Variants in CCDC91 observed in about 807,000 individuals in gnomAD.
CCDC91 encodes the protein coiled-coil domain-containing protein 91.
Under a neutral mutation model 63.2 loss-of-function variants are expected in CCDC91, and 48 were observed. That is an observed-to-expected ratio of 0.76 (90% CI 0.60 to 0.97). The LOEUF (loss-of-function observed/expected upper bound fraction) is 0.97, where lower values mean the gene tolerates loss of function less well. CCDC91 is among the 50% of genes least tolerant of loss of function. The pLI, the probability that CCDC91 is intolerant of heterozygous loss-of-function variation, is 0.00. For missense variants in CCDC91, 500 were observed against 494.6 expected, an observed-to-expected ratio of 1.01 and a Z score of -0.10; for synonymous variants, 167 against 165.8, an observed-to-expected ratio of 1.01 and a Z score of -0.06.
At chr12:28,197,036 T>G (rs1941817613) in intron 1 of CCDC91, among the ~76,000 whole-genome samples, 1 of 152,182 alleles carries the variant, frequency 6.6e-6, no homozygotes, top group Non-Finnish European at 1.5e-5. Flanking sequence ...AAATTAACAT[T>G]AAATATTTGT....
chr12:28,499,431 T>C (rs1952499018), intron 12 of CCDC91, among the ~76,000 whole-genome samples: 2 of 151,946 alleles, frequency 1.3e-5, no homozygotes, highest in Admixed American at 6.6e-5. Flanking sequence ...TAGGTATACA[T>C]GTGCCATAGT....
intron 1 of CCDC91, among the ~76,000 whole-genome samples, chr12:28,196,700 G>A (rs1192595056): frequency 1.3e-5 from 2 of 152,104 alleles, no homozygotes; most frequent in Admixed American, 1.3e-4. Context: ...GAACATGATA[G>A]TTGATTACAG....
intron 1 of CCDC91, among the ~76,000 whole-genome samples, chr12:28,194,652 G>C (rs1189121753): frequency 6.6e-6 from 1 of 151,410 alleles, no homozygotes; most frequent in Admixed American, 6.6e-5. Flanking sequence ...ATTCCTCCTG[G>C]TGGGTTTGTG....
rs777412181 is a variant in CCDC91 at position 28,306,750 on chromosome 12, A to T, written c.276A>T (p.Gln92His). Residue 92 changes from glutamine to histidine, a missense_variant, in exon 5 of 13, where the codon CAA becomes CAT. Transcript: ENST00000536442. ...SQTIPKAQIQQSTHTHLDISL... is the reference protein window; with the variant it reads ...SQTIPKAQIQHSTHTHLDISL... ...TTTTTTATGTGGTTTAGATTCAGCA[A>T]TCAACACACACTCATCTGGATATCT... is the stretch of plus-strand genomic sequence containing the variant. The T allele has an allele frequency of 6.2e-7, 1 of 1,606,022 alleles. No individual in the cohort carries two copies. The highest frequency in any genetic ancestry group is 1.7e-5 in the Admixed American group (1 of 59,208).
chr12:28,246,138 A>G (rs1486650270), intron 1 of CCDC91, among the ~76,000 whole-genome samples: 1 of 152,200 alleles, frequency 6.6e-6, no homozygotes, highest in Non-Finnish European at 1.5e-5. Flanking sequence ...GGTCCCCCAA[A>G]TTGACATACT....
chr12:28,282,676 A>G (rs931453815), intron 3 of CCDC91, among the ~76,000 whole-genome samples: 4 of 152,064 alleles, frequency 2.6e-5, no homozygotes, highest in Admixed American at 1.3e-4. Context: ...GTTCCTTGAG[A>G]AAGCTCCATA....
At chr12:28,346,855 C>G (rs904869707) in intron 6 of CCDC91, among the ~76,000 whole-genome samples, 1 of 152,106 alleles carries the variant, frequency 6.6e-6, no homozygotes, top group African/African-American at 2.4e-5. Flanking sequence ...TCTATCCTTT[C>G]CCTTGATGTT....
intron 12 of CCDC91, among the ~76,000 whole-genome samples, chr12:28,544,658 A>G (rs574267187): frequency 6.6e-6 from 1 of 152,120 alleles, no homozygotes; most frequent in Non-Finnish European, 1.5e-5. Flanking sequence ...CAAAACAATG[A>G]ATTATATCTT....
intron 4 of CCDC91, among the ~76,000 whole-genome samples, chr12:28,306,219 T>G (rs945849240): frequency 6.6e-6 from 1 of 152,062 alleles, no homozygotes; most frequent in Non-Finnish European, 1.5e-5. Context: ...AGTTATAAGG[T>G]TTATTCATTC....
At chr12:28,327,263 G>T (rs1385002289) in intron 6 of CCDC91, among the ~76,000 whole-genome samples, 1 of 152,108 alleles carries the variant, frequency 6.6e-6, no homozygotes, top group African/African-American at 2.4e-5. Context: ...TTGAGCTGCA[G>T]ACATAGACAA....
intron 12 of CCDC91, among the ~76,000 whole-genome samples, chr12:28,531,325 A>G (rs564086437): frequency 6.6e-6 from 1 of 152,330 alleles, no homozygotes; most frequent in East Asian, 1.9e-4. Context: ...TATGATAAAA[A>G]TTAAGACTCG....
In CCDC91 at chr12:28,217,600, A is replaced by G. The variant is rs531979141; in HGVS notation, c.-15+26959A>G. On this transcript the variant is annotated intron_variant, in intron 1 of 12. Transcript: ENST00000536442. ...AGGCAGAAGACAAGACTGTAAAGGT[A>G]AATATGAACCAAATTGTGAAAGGAC... is the stretch of plus-strand genomic sequence containing the variant. Among the ~76,000 whole-genome samples, 4 of 152,264 alleles carry G rather than the reference A, an allele frequency of 2.6e-5. No homozygotes were observed. In the South Asian group the frequency reaches 8.3e-4, roughly 32 times the overall value.
chr12:28,367,612 A>G (rs534810160), intron 7 of CCDC91, among the ~76,000 whole-genome samples: 4 of 152,334 alleles, frequency 2.6e-5, no homozygotes, highest in African/African-American at 9.6e-5. Flanking sequence ...AATTTGGCAA[A>G]AGATAATACT....
intron 6 of CCDC91, among the ~76,000 whole-genome samples, chr12:28,323,097 A>G (rs962688650): frequency 5.9e-5 from 9 of 151,322 alleles, no homozygotes; most frequent in African/African-American, 2.2e-4. Flanking sequence ...TTTTATGTTG[A>G]TAGCTTTTTC....
At chr12:28,279,069 C>T (rs1948427590) in intron 3 of CCDC91, among the ~76,000 whole-genome samples, 2 of 151,970 alleles carry the variant, frequency 1.3e-5, no homozygotes, top group African/African-American at 4.8e-5. Context: ...TTTAAATACT[C>T]ATTTTCCTCT....
intron 1 of CCDC91, among the ~76,000 whole-genome samples, chr12:28,217,737 A>G (rs1451432514): frequency 6.6e-6 from 1 of 151,962 alleles, no homozygotes; most frequent in Non-Finnish European, 1.5e-5. Flanking sequence ...CTATGTAATC[A>G]TTATTTTATG....
intron 8 of CCDC91, among the ~76,000 whole-genome samples, chr12:28,437,260 A>G (rs1262418324): frequency 6.6e-6 from 1 of 152,050 alleles, no homozygotes. Context: ...TTCAAATAAC[A>G]TTTTATAAAC....
intron 12 of CCDC91, among the ~76,000 whole-genome samples, chr12:28,517,755 C>A (rs1393615215): frequency 4.0e-5 from 6 of 151,732 alleles, no homozygotes; most frequent in Admixed American, 2.6e-4. Flanking sequence ...ATACACTGCA[C>A]CCAATTTGTA....
chr12:28,544,271 C>A (rs796346392), intron 12 of CCDC91, among the ~76,000 whole-genome samples: 9 of 151,818 alleles, frequency 5.9e-5, no homozygotes, highest in Middle Eastern at 3.4e-3. Context: ...TCTGCACCCC[C>A]CTTTTGGAGT....
Sources: allele counts gnomAD v4.1 joint callset (sites outside exome capture counted in the v4.1 genomes callset), GRCh38; gene constraint gnomAD v4.1.1; transcripts MANE v1.5; gene names NCBI Gene and HGNC (gene_info 2026-07-23, HGNC 2026-07-21).